Variants in GLI3 observed in about 807,000 individuals in gnomAD.
The protein encoded by GLI3 is GLI family zinc finger 3.
A neutral mutation model predicts 100.8 loss-of-function variants in GLI3; 20 were observed. That is an observed-to-expected ratio of 0.20 (90% CI 0.14 to 0.29). The LOEUF (loss-of-function observed/expected upper bound fraction) is 0.29. Ranked by LOEUF, GLI3 falls within the 10% of genes least tolerant of loss-of-function variation. The pLI is 1.00. For synonymous variants in GLI3, 938 were observed against 860.5 expected, an observed-to-expected ratio of 1.09 and a Z score of -1.58; for missense variants, 2,040 against 2,128.5, an observed-to-expected ratio of 0.96 and a Z score of 0.82.
intron 7 of GLI3, among the ~76,000 whole-genome samples, chr7:42,038,271 T>C (rs925053119): frequency 1.3e-5 from 2 of 152,192 alleles, no homozygotes; most frequent in African/African-American, 4.8e-5. Context: ...TGGAGAGCAG[T>C]GTAGCATAGA....
At chr7:42,219,895 C>T (rs112138489) in intron 2 of GLI3, among the ~76,000 whole-genome samples, 9,805 of 150,694 alleles carry the variant, frequency 0.065, 391 homozygotes, top group Middle Eastern at 0.1. Context: ...GTTCTGTCGC[C>T]CAGGCTGGAG....
upstream of GLI3, chr7:42,237,990 C>G (rs1204951094): frequency 6.2e-6 from 1 of 161,270 alleles, no homozygotes; most frequent in Non-Finnish European, 1.3e-5. Flanking sequence ...CCGCCGCCGC[C>G]GCCGCCGCCG....
chr7:42,055,804 T>C (rs1376696155), intron 4 of GLI3, among the ~76,000 whole-genome samples: 1 of 152,230 alleles, frequency 6.6e-6, no homozygotes, highest in Admixed American at 6.5e-5. Flanking sequence ...GGATTTTAAT[T>C]TTTAAAAACT....
chr7:42,040,395 T>C (rs766306305), intron 6 of GLI3, among the ~76,000 whole-genome samples, 156 bp from the exon 7 acceptor site: 12 of 152,184 alleles, frequency 7.9e-5, no homozygotes, highest in Non-Finnish European at 1.5e-4. Flanking sequence ...CTAGCTACAG[T>C]TGAGGAAACT....
At chr7:42,226,102 T>G (rs1788575638) in intron 1 of GLI3, among the ~76,000 whole-genome samples, 1 of 152,218 alleles carries the variant, frequency 6.6e-6, no homozygotes, top group South Asian at 2.1e-4. Flanking sequence ...AATATTTAAT[T>G]GATCCAAACA....
chr7:42,114,598 A>G (rs1785801239), intron 3 of GLI3, among the ~76,000 whole-genome samples: 1 of 152,218 alleles, frequency 6.6e-6, no homozygotes, highest in African/African-American at 2.4e-5. Context: ...CAAGAACCCT[A>G]AGGTCAACTG....
chr7:42,188,799 A>G (rs149589543), intron 2 of GLI3, among the ~76,000 whole-genome samples: 3 of 152,334 alleles, frequency 2.0e-5, no homozygotes, highest in East Asian at 3.9e-4. Context: ...AAAACTGTGG[A>G]GATCACTGTT....
intron 2 of GLI3, among the ~76,000 whole-genome samples, chr7:42,220,301 G>A (rs183499409): frequency 2.0e-4 from 31 of 152,236 alleles, no homozygotes; most frequent in Admixed American, 7.2e-4. Context: ...TACGAATAGC[G>A]TCAGTGCAGG....
chr7:42,112,971 G>T (rs537226953), intron 3 of GLI3, among the ~76,000 whole-genome samples: 2 of 152,106 alleles, frequency 1.3e-5, no homozygotes, highest in Non-Finnish European at 2.9e-5. Context: ...TCAGGAGTTC[G>T]AGACCAGCCT....
At chr7:41,998,923 TC>T (rs1338545991) in intron 10 of GLI3, among the ~76,000 whole-genome samples, 5 of 152,204 alleles carry the variant, frequency 3.3e-5, no homozygotes, top group African/African-American at 1.2e-4. Context: ...TTCTGTGTTT[TC>T]CCCCACACAG....
intron 2 of GLI3, 113 bp downstream of exon 2, chr7:42,223,017 T>G: frequency 7.5e-7 from 1 of 1,331,768 alleles, no homozygotes; most frequent in Non-Finnish European, 1.1e-6. Flanking sequence ...TTGCTTTCTT[T>G]AGCGTCTCCT....
chr7:42,033,657 T>C (rs1358737077), intron 7 of GLI3, among the ~76,000 whole-genome samples: 2 of 152,064 alleles, frequency 1.3e-5, no homozygotes, highest in African/African-American at 2.4e-5. Flanking sequence ...CACTAAGAGG[T>C]CATCCTCACT....
At position 42,148,299 on chromosome 7, in the gene GLI3, C is replaced by T. The variant is rs758453658; in HGVS notation, c.294G>A (p.Ala98=). ...TCCCGCGGTACGGCACAGAGGGCTC[C>T]GCCACGTGTGGCAGGGACCCATGGA... is the stretch of plus-strand genomic sequence containing the variant. ...KEIHGSLPHV[A]EPSVPYRGTV... The change falls in exon 3 of 15, where the codon GCG becomes GCA. Residue 98 remains alanine, a synonymous_variant. Transcript: ENST00000395925. 39 of 1,613,144 alleles carry T rather than the reference C, an allele frequency of 2.4e-5. No individual in the cohort carries two copies. The highest frequency in any genetic ancestry group is 1.8e-4 in the East Asian group (8 of 44,836).
intron 3 of GLI3, among the ~76,000 whole-genome samples, chr7:42,129,446 C>G (rs1461282347): frequency 6.6e-6 from 1 of 152,186 alleles, no homozygotes; most frequent in Non-Finnish European, 1.5e-5. Context: ...GGACATGGTG[C>G]GTAGAGAAGC....
intron 1 of GLI3, among the ~76,000 whole-genome samples, chr7:42,223,809 G>T (rs1378228103): frequency 2.6e-5 from 4 of 152,230 alleles, no homozygotes; most frequent in African/African-American, 4.8e-5. Context: ...AGGCCAAGTA[G>T]TCAGTGATTT....
chr7:42,189,745 C>T (rs576750805), intron 2 of GLI3, among the ~76,000 whole-genome samples: 55 of 152,226 alleles, frequency 3.6e-4, no homozygotes, highest in Non-Finnish European at 5.6e-4. Flanking sequence ...TGACAGAGTG[C>T]TGGAGTAAAT....
intron 1 of GLI3, among the ~76,000 whole-genome samples, chr7:42,246,522 A>G (rs996254293): frequency 1.3e-5 from 2 of 152,212 alleles, no homozygotes; most frequent in Non-Finnish European, 2.9e-5. Context: ...GATGTCTCTG[A>G]GCACTGCATA....
At chr7:42,264,183 G>A (rs922891699), upstream of GLI3, among the ~76,000 whole-genome samples, 6 of 152,168 alleles carry the variant, frequency 3.9e-5, no homozygotes, top group Admixed American at 2.0e-4. Context: ...TTGGCCAGGC[G>A]TGGGCCACAT....
chr7:42,068,245 C>T (rs149290841), intron 4 of GLI3, among the ~76,000 whole-genome samples: 32 of 152,318 alleles, frequency 2.1e-4, no homozygotes, highest in African/African-American at 7.7e-4. Context: ...GCTAAGTCAG[C>T]ACAGGAGGTA....
Sources: gnomAD v4.1 joint callset for allele counts (sites outside exome capture counted in the v4.1 genomes callset) on GRCh38, gnomAD v4.1.1 for gene constraint, MANE v1.5 for transcripts, NCBI Gene and HGNC (gene_info 2026-07-23, HGNC 2026-07-21) for gene names.